Variants in ADGRL2 observed in about 807,000 individuals in gnomAD.
ADGRL2 encodes the protein adhesion G protein-coupled receptor L2.
In ADGRL2, 44 loss-of-function variants were observed where a neutral mutation model predicts 157.4. The ratio of observed to expected loss-of-function variants is 0.28; its 90% CI spans 0.22 to 0.36. ADGRL2 has a LOEUF of 0.36. Among genes scored for constraint, ADGRL2 ranks in the 10% least tolerant of loss-of-function variants. The probability of loss-of-function intolerance (pLI) is 1.00; values close to 1 mark genes in which losing one functional copy is unlikely to be tolerated. For synonymous variants in ADGRL2, 585 were observed against 624.7 expected (o/e 0.94, Z 0.95); for missense variants, 1,510 against 1,768.9 (o/e 0.85, Z 2.63).
intron 3 of ADGRL2, among the ~76,000 whole-genome samples, chr1:81,614,790 G>A (rs1040360888): frequency 2.0e-5 from 3 of 151,812 alleles, no homozygotes; most frequent in Admixed American, 1.3e-4. Context: ...TTTGGGAAGC[G>A]GAGGCAGATG....
At position 81,907,781 on chromosome 1, in the gene ADGRL2, GAC is replaced by G. The variant is rs1408813092; in HGVS notation, c.287+555_287+556del. ...TGTTAACAGTCCATGAACCCACATTGACACATAATTATCACCCAAAGTCCATA... is the reference window on the plus strand; with the variant it reads ...TGTTAACAGTCCATGAACCCACATTGACATAATTATCACCCAAAGTCCATA... On this transcript the variant is annotated intron_variant, in intron 3 of 23. Coordinates refer to ENST00000686636, the MANE Select transcript of ADGRL2 (RefSeq NM_001366006.2). Among the ~76,000 whole-genome samples, 3 of 152,226 alleles carry G rather than the reference GAC, an allele frequency of 2.0e-5. No individual in the cohort carries two copies. The East Asian group carries it at 5.8e-4, about 29-fold the overall frequency.
Position 81,817,675 on chromosome 1 carries a change from T to A in ADGRL2, c.-101+16607T>A, listed in dbSNP as rs1037073321. 5.9e-5 allele frequency among the ~76,000 whole-genome samples: 9 copies of A among 152,216 alleles called. No homozygotes were observed. In the East Asian group the frequency reaches 1.5e-3, roughly 26 times the overall value. On this transcript the variant is annotated intron_variant, in intron 1 of 23. Transcript: ENST00000686636. ...CCAACATTTTATTTATAGGGTGTAA[T>A]AAAAATCATAAAGTTAAATTTGAAT...
At chr1:81,432,016 T>C (rs1370162404) in intron 1 of ADGRL2, among the ~76,000 whole-genome samples, 3 of 152,250 alleles carry the variant, frequency 2.0e-5, no homozygotes, top group African/African-American at 7.2e-5. Flanking sequence ...TTATTGCTAA[T>C]TTTTGTCTAC....
chr1:81,491,165 C>G (rs914607737), intron 2 of ADGRL2, among the ~76,000 whole-genome samples: 1 of 145,296 alleles, frequency 6.9e-6, no homozygotes, highest in Non-Finnish European at 1.5e-5. Context: ...ACGTAGTGGA[C>G]AAATATATAA....
intron 1 of ADGRL2, among the ~76,000 whole-genome samples, chr1:81,339,747 C>A (rs1030076801): frequency 6.6e-6 from 1 of 152,182 alleles, no homozygotes; most frequent in African/African-American, 2.4e-5. Flanking sequence ...AGGACCTGTA[C>A]TCTCTTGGAA....
At chr1:81,756,321 T>C (rs1218730054) in intron 1 of ADGRL2, among the ~76,000 whole-genome samples, 1 of 44,616 alleles carries the variant, frequency 2.2e-5, no homozygotes, top group Non-Finnish European at 4.1e-5. Context: ...TCTTTTATCA[T>C]TCATTCATTC....
At chr1:81,348,535 C>T (rs762329483) in intron 1 of ADGRL2, among the ~76,000 whole-genome samples, 39 of 152,018 alleles carry the variant, frequency 2.6e-4, no homozygotes, top group Non-Finnish European at 4.9e-4. Context: ...TTTCTCTGAA[C>T]TTGGCTAAAA....
chr1:81,771,073 C>G (rs1384688772), intron 2 of ADGRL2, among the ~76,000 whole-genome samples: 1 of 152,080 alleles, frequency 6.6e-6, no homozygotes. Flanking sequence ...AGTAACTAGA[C>G]CTCTAGTCCA....
chr1:81,920,624 C>G (rs1342893319), intron 3 of ADGRL2, among the ~76,000 whole-genome samples: 1 of 152,116 alleles, frequency 6.6e-6, no homozygotes, highest in East Asian at 1.9e-4. Flanking sequence ...CTGCCAACTC[C>G]AGAGCTCCCG....
intron 2 of ADGRL2, among the ~76,000 whole-genome samples, chr1:81,784,590 T>C (rs190249570): frequency 6.6e-6 from 1 of 152,130 alleles, no homozygotes; most frequent in Admixed American, 6.5e-5. Flanking sequence ...TAGCAGGGCA[T>C]GGTGGTGTGT....
intron 3 of ADGRL2, among the ~76,000 whole-genome samples, chr1:81,680,880 A>G (rs2083098834): frequency 6.6e-6 from 1 of 152,162 alleles, no homozygotes; most frequent in African/African-American, 2.4e-5. Flanking sequence ...GAAGTGATGA[A>G]AAGGAATTTT....
intron 1 of ADGRL2, among the ~76,000 whole-genome samples, chr1:81,403,386 T>A (rs2076795316): frequency 6.6e-6 from 1 of 152,084 alleles, no homozygotes; most frequent in South Asian, 2.1e-4. Flanking sequence ...TACCTCAACC[T>A]CCAAAGCAGC....
intron 3 of ADGRL2, among the ~76,000 whole-genome samples, chr1:81,930,398 T>C (rs1178255487): frequency 6.6e-6 from 1 of 152,196 alleles, no homozygotes; most frequent in East Asian, 1.9e-4. Flanking sequence ...TTTTATGCTT[T>C]ACACATTTTT....
At chr1:81,588,631 C>A (rs570466282) in intron 3 of ADGRL2, among the ~76,000 whole-genome samples, 1 of 152,136 alleles carries the variant, frequency 6.6e-6, no homozygotes, top group Non-Finnish European at 1.5e-5. Context: ...ACTTAGGAGT[C>A]TAAGCACCTG....
At chr1:81,690,217 G>A (rs967848413) in intron 3 of ADGRL2, among the ~76,000 whole-genome samples, 2 of 152,172 alleles carry the variant, frequency 1.3e-5, no homozygotes, top group Non-Finnish European at 2.9e-5. Context: ...TTAGGGCCAG[G>A]CATAGTGGCT....
At chr1:81,704,369 A>C (rs1195816613) in intron 1 of ADGRL2, among the ~76,000 whole-genome samples, 1 of 152,182 alleles carries the variant, frequency 6.6e-6, no homozygotes, top group African/African-American at 2.4e-5. Flanking sequence ...CACATCAGTC[A>C]CTAAGTGGCT....
intron 2 of ADGRL2, among the ~76,000 whole-genome samples, chr1:81,779,025 A>C (rs911236153): frequency 6.6e-5 from 10 of 152,206 alleles, no homozygotes; most frequent in African/African-American, 2.2e-4. Context: ...TGCTATCTAC[A>C]TTATAATCCC....
chr1:81,707,710 A>G (rs1167089809), intron 1 of ADGRL2, among the ~76,000 whole-genome samples: 1 of 152,092 alleles, frequency 6.6e-6, no homozygotes, highest in Non-Finnish European at 1.5e-5. Flanking sequence ...TTCTACCCAA[A>G]CCAATCTGAT....
intron 2 of ADGRL2, among the ~76,000 whole-genome samples, chr1:81,794,814 A>G (rs1282237030): frequency 6.6e-6 from 1 of 152,182 alleles, no homozygotes; most frequent in Non-Finnish European, 1.5e-5. Context: ...TTATTAAGAA[A>G]CTATGTTGAT....
Sources: gnomAD v4.1 joint callset for allele counts (sites outside exome capture counted in the v4.1 genomes callset) on GRCh38, gnomAD v4.1.1 for gene constraint, MANE v1.5 for transcripts, NCBI Gene and HGNC (gene_info 2026-07-23, HGNC 2026-07-21) for gene names.